NOS2: variants seen among roughly 807,000 people sequenced by gnomAD.
NOS2 encodes nitric oxide synthase, inducible.
NOS2 carries 96 observed loss-of-function variants against 136.0 expected under a neutral mutation model. The observed-to-expected ratio is 0.71, with a 90% CI of 0.60 to 0.84. The LOEUF (loss-of-function observed/expected upper bound fraction) is 0.84, where lower values mean the gene tolerates loss of function less well. Ranked by LOEUF, NOS2 falls within the 40% of genes least tolerant of loss-of-function variation. The pLI is 0.00. For missense variants in NOS2, 1,237 were observed against 1,496.9 expected (o/e 0.83, Z 2.87); for synonymous variants, 539 against 587.5 (o/e 0.92, Z 1.20).
chr17:27,774,202 A>T (rs1908589381), intron 12 of NOS2, 55 bp downstream of exon 12: 1 of 1,329,952 alleles, frequency 7.5e-7, no homozygotes, highest in East Asian at 2.7e-5. Context: ...ACACACACAC[A>T]CACATACAGC....
chr17:27,762,674 C>T (rs1230655828), intron 22 of NOS2, 124 bp downstream of exon 22: 2 of 704,832 alleles, frequency 2.8e-6, no homozygotes, highest in Non-Finnish European at 4.8e-6. Context: ...ATACTGTTAA[C>T]AACTCTGGGC....
chr17:27,763,336 G>A (rs28944185), intron 21 of NOS2, among the ~76,000 whole-genome samples: 20 of 152,332 alleles, frequency 1.3e-4, no homozygotes, highest in Admixed American at 5.2e-4. Flanking sequence ...CTCACTAGCT[G>A]TGGAATCTTG....
In NOS2 at chr17:27,778,721, T is replaced by C; in HGVS notation, c.1250A>G (p.Glu417Gly). 1 of 1,614,212 alleles carries C rather than the reference T, an allele frequency of 6.2e-7. No individual in the cohort carries two copies. Among genetic ancestry groups the C allele is most frequent in the South Asian group, 1.1e-5 (1 of 91,084 alleles). Residue 417 changes from glutamate (E) to glycine (G), a missense_variant, in exon 11 of 27, where the codon GAG (glutamate) becomes GGG (glycine). This residue lies in a region of NOS2 where 440 missense variants were observed against 545.4 expected (regional missense o/e 0.81). Transcript: ENST00000313735. ...ACTATGGAGCACAGCAATGTTGATC[T>C]CAACGACAGCCTGGTCTTTCCAGAG... ...ASLWKDQAVV[E>G]INIAVLHSFQ...
intron 9 of NOS2, among the ~76,000 whole-genome samples, 161 bp downstream of exon 9, chr17:27,780,606 T>C (rs1567639523): frequency 6.6e-6 from 1 of 152,210 alleles, no homozygotes; most frequent in Non-Finnish European, 1.5e-5. Flanking sequence ...GGCTGCAGAA[T>C]GCAACAGTGA....
chr17:27,786,161 G>A (rs188124588), intron 5 of NOS2, among the ~76,000 whole-genome samples: 30 of 151,160 alleles, frequency 2.0e-4, no homozygotes, highest in Admixed American at 5.3e-4. Context: ...GGTGGCTCAC[G>A]CCTGTAATCC....
chr17:27,772,478 C>A, intron 13 of NOS2, 26 bp from the exon 14 acceptor site: 3 of 1,612,664 alleles, frequency 1.9e-6, no homozygotes, highest in Non-Finnish European at 2.5e-6. Flanking sequence ...GACAGGCAGG[C>A]GCTGTGTGCT....
At chr17:27,785,132 C>T (rs1350276888) in intron 5 of NOS2, among the ~76,000 whole-genome samples, 1 of 150,790 alleles carries the variant, frequency 6.6e-6, no homozygotes, top group Non-Finnish European at 1.5e-5. Context: ...AGGTTCGAAT[C>T]CCCACTCTGG....
chr17:27,761,515 G>A (rs1031936375), intron 22 of NOS2, among the ~76,000 whole-genome samples: 1 of 152,162 alleles, frequency 6.6e-6, no homozygotes, highest in African/African-American at 2.4e-5. Context: ...CTCAGGTCGT[G>A]GTGGAATCAG....
At chr17:27,782,375 C>T (rs1354745288) in intron 6 of NOS2, among the ~76,000 whole-genome samples, 1 of 152,172 alleles carries the variant, frequency 6.6e-6, no homozygotes. Context: ...CCAGCAAACC[C>T]AGAATTCCAA....
chr17:27,776,490 T>A (rs896957652), intron 11 of NOS2, among the ~76,000 whole-genome samples: 1 of 151,908 alleles, frequency 6.6e-6, no homozygotes, highest in African/African-American at 2.4e-5. Flanking sequence ...CTGGCCAACA[T>A]GGTGAAACCC....
At chr17:27,759,138 C>G in intron 25 of NOS2, 63 bp from the exon 26 acceptor site, 1 of 1,275,726 alleles carries the variant, frequency 7.8e-7, no homozygotes, top group Non-Finnish European at 1.1e-6. Flanking sequence ...TGCAGGCAGG[C>G]CTGCTGGCCT....
intron 22 of NOS2, among the ~76,000 whole-genome samples, chr17:27,761,702 G>A (rs1385647298): frequency 6.6e-6 from 1 of 152,124 alleles, no homozygotes; most frequent in African/African-American, 2.4e-5. Context: ...CCTGGGTGGT[G>A]GATGAGTTCC....
At chr17:27,773,097 A>T in intron 13 of NOS2, 64 bp downstream of exon 13, 1 of 1,273,164 alleles carries the variant, frequency 7.9e-7, no homozygotes, top group Non-Finnish European at 1.1e-6. Flanking sequence ...CTGGAGGCAG[A>T]GGCTGACTAG....
chr17:27,797,072 C>G (rs1909376891), intron 2 of NOS2, among the ~76,000 whole-genome samples: 1 of 152,192 alleles, frequency 6.6e-6, no homozygotes, highest in African/African-American at 2.4e-5. Flanking sequence ...CTATCCCAGC[C>G]CCCAGCCCAC....
At position 27,772,472 on chromosome 17, in the gene NOS2, G is replaced by A; in HGVS notation, c.1560-20C>T. 1 of 1,613,320 alleles carries A rather than the reference G, an allele frequency of 6.2e-7. No individual in the cohort carries two copies. Among genetic ancestry groups the A allele is most frequent in the Non-Finnish European group, 8.5e-7 (1 of 1,179,806 alleles). On this transcript the variant is annotated intron_variant, in intron 13 of 26. Transcript: ENST00000313735. ...ACAGCTCTGTGGGGACAGACAGACA[G>A]GCAGGCGCTGTGTGCTGAGTCAGCC...
rs755929401 is a variant in NOS2, at chr17:27,774,442, C to T, written c.1291G>A (p.Val431Met). ...AVLHSFQKQN[V>M]TIMDHHSAAE... ...GCCGAGTGGTGGTCCATGATGGTCA[C>T]ATTCTGCTTCTGTATCAGAAGGCAA... The change falls in exon 12 of 27, where the codon GTG (valine) becomes ATG (methionine). Residue 431 changes from valine (V) to methionine (M), a missense_variant. This residue lies in a region of NOS2 where 15 missense variants were observed against 41.6 expected (regional missense o/e 0.36). Coordinates refer to ENST00000313735, the MANE Select transcript of NOS2 (RefSeq NM_000625.4). 6.8e-7 allele frequency: 1 copy of T among 1,479,054 alleles called. No individual in the cohort carries two copies. The highest frequency in any genetic ancestry group is 9.0e-7 in the Non-Finnish European group (1 of 1,108,038). The allele number at this position is 1,479,054 out of a possible 1,614,324, so 91.6% of individuals were successfully genotyped here.
At chr17:27,760,209 T>A in intron 24 of NOS2, 31 bp from the exon 25 acceptor site, 1 of 1,514,684 alleles carries the variant, frequency 6.6e-7, no homozygotes, top group Middle Eastern at 1.9e-4. Flanking sequence ...TGTTACCATG[T>A]TGGCCACCAG....
chr17:27,768,660 C>T (rs1375071317), intron 17 of NOS2, among the ~76,000 whole-genome samples: 4 of 152,214 alleles, frequency 2.6e-5, no homozygotes, highest in African/African-American at 9.6e-5. Context: ...GAGACTGAAA[C>T]AGACACAGTA....
At chr17:27,778,821 G>A (rs201709617) in intron 10 of NOS2, 30 bp from the exon 11 acceptor site, 31 of 1,612,948 alleles carry the variant, frequency 1.9e-5, no homozygotes, top group African/African-American at 6.7e-5. Flanking sequence ...GCGGCGAGTC[G>A]GTCCCTGAAG....
Sources: gnomAD v4.1 joint callset for allele counts (sites outside exome capture counted in the v4.1 genomes callset) on GRCh38, gnomAD v4.1.1 for gene constraint, gnomAD v4.1.1 regional missense constraint, MANE v1.5 for transcripts, NCBI Gene and HGNC (gene_info 2026-07-23, HGNC 2026-07-21) for gene names.